Variants in AK5 observed in about 807,000 individuals in gnomAD.
AK5 encodes the protein adenylate kinase 5.
In AK5, 27 loss-of-function variants were observed where a neutral mutation model predicts 69.5. The ratio of observed to expected loss-of-function variants is 0.39; its 90% CI spans 0.29 to 0.54. AK5 has a LOEUF of 0.54. Ranked by LOEUF, AK5 falls within the 20% of genes least tolerant of loss-of-function variation. AK5 has a pLI of 0.71. For missense variants in AK5, 531 were observed against 700.4 expected, an observed-to-expected ratio of 0.76 and a Z score of 2.73; for synonymous variants, 260 against 244.4, an observed-to-expected ratio of 1.06 and a Z score of -0.60.
At chr1:77,296,922 A>T (rs1464926938) in intron 3 of AK5, among the ~76,000 whole-genome samples, 1 of 152,278 alleles carries the variant, frequency 6.6e-6, no homozygotes, top group Middle Eastern at 3.4e-3. Flanking sequence ...TGTTCTTGGC[A>T]TCTTTGTGGA....
At chr1:77,302,138 G>A (rs563080999) in intron 5 of AK5, among the ~76,000 whole-genome samples, 5 of 152,064 alleles carry the variant, frequency 3.3e-5, no homozygotes, top group Admixed American at 6.5e-5. Flanking sequence ...GGCCTCAAGT[G>A]ATCATCCTCT....
At chr1:77,474,967 A>AT (rs1315254345) in intron 8 of AK5, among the ~76,000 whole-genome samples, 2 of 151,640 alleles carry the variant, frequency 1.3e-5, no homozygotes, top group Non-Finnish European at 2.9e-5. Context: ...ATGTCTAGCT[A>AT]TTTTTTTAAC....
At chr1:77,310,618 T>A (rs1659895891) in intron 5 of AK5, among the ~76,000 whole-genome samples, 1 of 152,056 alleles carries the variant, frequency 6.6e-6, no homozygotes, top group South Asian at 2.1e-4. Flanking sequence ...CCTGACCTGG[T>A]GATCCACCCG....
At chr1:77,335,171 G>T (rs774918880) in intron 5 of AK5, among the ~76,000 whole-genome samples, 4 of 152,130 alleles carry the variant, frequency 2.6e-5, no homozygotes, top group Non-Finnish European at 5.9e-5. Context: ...CTGACACAAT[G>T]AATATGTCTT....
At chr1:77,339,054 T>TG (rs1305755452) in intron 5 of AK5, among the ~76,000 whole-genome samples, 10 of 148,398 alleles carry the variant, frequency 6.7e-5, no homozygotes, top group Admixed American at 5.5e-4. Context: ...CACTGTGATA[T>TG]GGGAAAAAAA....
chr1:77,433,017 G>T (rs1320012731), intron 8 of AK5, among the ~76,000 whole-genome samples: 1 of 152,168 alleles, frequency 6.6e-6, no homozygotes, highest in African/African-American at 2.4e-5. Flanking sequence ...TTTCTGTGTG[G>T]CACAAGACTT....
At chr1:77,362,909 A>T (rs1646889404) in intron 6 of AK5, among the ~76,000 whole-genome samples, 1 of 152,208 alleles carries the variant, frequency 6.6e-6, no homozygotes. Context: ...ATCTGTCCTG[A>T]TGCAATGACC....
intron 8 of AK5, among the ~76,000 whole-genome samples, chr1:77,465,844 A>G (rs956893309): frequency 6.6e-6 from 1 of 152,226 alleles, no homozygotes; most frequent in Non-Finnish European, 1.5e-5. Context: ...CATTTGTACA[A>G]GAATTTACAA....
intron 8 of AK5, among the ~76,000 whole-genome samples, chr1:77,465,836 T>C (rs1256955968): frequency 6.6e-6 from 1 of 152,194 alleles, no homozygotes; most frequent in Non-Finnish European, 1.5e-5. Flanking sequence ...ACATCTTACA[T>C]TTGTACAAGA....
At chr1:77,394,157 G>C (rs900699922) in intron 6 of AK5, among the ~76,000 whole-genome samples, 2 of 151,570 alleles carry the variant, frequency 1.3e-5, no homozygotes, top group Non-Finnish European at 2.9e-5. Flanking sequence ...AGAGCTTGCA[G>C]TGAGCTGAGA....
Position 77,558,765 on chromosome 1 carries a change from G to A in AK5, c.*95G>A, listed in dbSNP as rs1424127348. The A allele has an allele frequency of 1.6e-5, 14 of 864,870 alleles. No individual in the cohort carries two copies. The highest frequency in any genetic ancestry group is 1.2e-4 in the South Asian group (8 of 66,740). 53.6% of individuals were successfully genotyped at this position (864,870 alleles called of 1,614,324 possible). On this transcript the variant is annotated 3_prime_UTR_variant, in exon 14 of 14. Coordinates refer to ENST00000354567, the MANE Select transcript of AK5 (RefSeq NM_174858.3). ...TTCAAGTTAAACCTTTTGTGTCACCGCCCCCACCAACCACCACCTCCTAAA... is the reference window on the plus strand; with the variant it reads ...TTCAAGTTAAACCTTTTGTGTCACCACCCCCACCAACCACCACCTCCTAAA...
intron 6 of AK5, chr1:77,371,370 T>A (rs1353395904): frequency 3.3e-5 from 5 of 152,288 alleles, no homozygotes; most frequent in African/African-American, 1.2e-4. Flanking sequence ...TAATTTTCCC[T>A]GAAGCCAGGA....
chr1:77,417,961 A>G (rs1650540993), intron 8 of AK5: 6 of 347,338 alleles, frequency 1.7e-5, no homozygotes, highest in Non-Finnish European at 1.6e-5. Flanking sequence ...AAACGTTAAC[A>G]TGGGATAGAA....
At chr1:77,384,915 A>G (rs1647898630) in intron 6 of AK5, among the ~76,000 whole-genome samples, 1 of 152,176 alleles carries the variant, frequency 6.6e-6, no homozygotes, top group Non-Finnish European at 1.5e-5. Flanking sequence ...GAGAGGCAGA[A>G]TGGTATAGTG....
Position 77,288,417 on chromosome 1 carries a change from A to G in AK5, c.247+1290A>G, listed in dbSNP as rs376962999. 2.4e-4 allele frequency among the ~76,000 whole-genome samples: 36 copies of G among 152,340 alleles called. 1 individual carries two copies. Among genetic ancestry groups the G allele is most frequent in the African/African-American group, 8.4e-4 (35 of 41,580 alleles). ...AATTGTACAACAAAAGGTTTATGCT[A>G]TACAGACAGAACCTGAAATGGAGAC... On this transcript the variant is annotated intron_variant, in intron 2 of 13. Coordinates refer to ENST00000354567, the MANE Select transcript of AK5 (RefSeq NM_174858.3).
At chr1:77,349,767 T>C (rs1025001220) in intron 6 of AK5, among the ~76,000 whole-genome samples, 3 of 152,170 alleles carry the variant, frequency 2.0e-5, no homozygotes, top group Non-Finnish European at 2.9e-5. Flanking sequence ...GACCTTGTAT[T>C]TTTGTTTATC....
At chr1:77,481,681 A>C (rs1655260808) in intron 8 of AK5, among the ~76,000 whole-genome samples, 1 of 152,248 alleles carries the variant, frequency 6.6e-6, no homozygotes, top group South Asian at 2.1e-4. Context: ...GGCCAGCATA[A>C]AGCACAAGCC....
chr1:77,437,904 G>A (rs185712503), intron 8 of AK5, among the ~76,000 whole-genome samples: 44 of 152,152 alleles, frequency 2.9e-4, no homozygotes, highest in Non-Finnish European at 2.2e-4. Context: ...TTTGATCTGA[G>A]AGCCTAACTT....
chr1:77,519,891 A>G (rs1438922660), intron 11 of AK5, among the ~76,000 whole-genome samples: 2 of 152,078 alleles, frequency 1.3e-5, no homozygotes, highest in African/African-American at 2.4e-5. Flanking sequence ...CTGACCTCCT[A>G]TCTCATCCTG....
Sources: allele counts gnomAD v4.1 joint callset (sites outside exome capture counted in the v4.1 genomes callset), GRCh38; gene constraint gnomAD v4.1.1; transcripts MANE v1.5; gene names NCBI Gene and HGNC (gene_info 2026-07-23, HGNC 2026-07-21).